The following MAP3K4 variants were observed in gnomAD, a reference collection of about 807,000 sequenced individuals.
The protein encoded by MAP3K4 is MAP three kinase 1.
MAP3K4 carries 67 observed loss-of-function variants against 185.6 expected under a neutral mutation model. The ratio of observed to expected loss-of-function variants is 0.36; its 90% CI spans 0.30 to 0.44. MAP3K4 has a LOEUF of 0.44. MAP3K4 is among the 20% of genes least tolerant of loss of function. MAP3K4 has a pLI of 1.00. For missense variants in MAP3K4, 1,551 were observed against 1,995.1 expected (o/e 0.78, Z 4.24); for synonymous variants, 702 against 710.4 (o/e 0.99, Z 0.19).
chr6:161,068,731 A>T (rs1013051701), intron 3 of MAP3K4, among the ~76,000 whole-genome samples: 2 of 152,236 alleles, frequency 1.3e-5, no homozygotes, highest in African/African-American at 4.8e-5. Flanking sequence ...CTGATAAAGC[A>T]TGTTAAACGT....
intron 19 of MAP3K4, among the ~76,000 whole-genome samples, chr6:161,104,538 C>A (rs1444006773): frequency 6.6e-6 from 1 of 151,782 alleles, no homozygotes; most frequent in Non-Finnish European, 1.5e-5. Context: ...GTGGTGAAAC[C>A]CTGTCTTTAC....
At position 161,002,589 on chromosome 6, in the gene MAP3K4, C is replaced by CTTT. The variant is rs34733206; in HGVS notation, c.152+10524_152+10526dup. Among the ~76,000 whole-genome samples the CTTT allele has an allele frequency of 3.9e-3, 414 of 106,442 alleles. 12 individuals are homozygous for CTTT. Among genetic ancestry groups the CTTT allele is most frequent in the Non-Finnish European group, 4.2e-3 (240 of 57,440 alleles). The allele number at this position is 106,442 out of a possible 152,430, so 69.8% of individuals were successfully genotyped here. A position where few individuals can be genotyped will look rare whatever the true frequency, so the allele number is the denominator to read the frequency against. ...TTCTGCCATCTAAAAATAGTTTTGG[C>CTTT]TTTTTTTTTTTTTTTTTTTTGAGAT... On this transcript the variant is annotated intron_variant, in intron 1 of 26. Coordinates refer to ENST00000392142, the MANE Select transcript of MAP3K4 (RefSeq NM_005922.4).
rs1278220186 is a variant in MAP3K4, at chr6:161,001,280, G to A, written c.152+9197G>A. ...ATAGGTGGAATCATGTATGTCTCAA[G>A]CTATGTGTTATAAATGTTATCAAAT... is the stretch of plus-strand genomic sequence containing the variant. On this transcript the variant is annotated intron_variant, in intron 1 of 26. Coordinates refer to ENST00000392142, the MANE Select transcript of MAP3K4 (RefSeq NM_005922.4). 2.0e-5 allele frequency among the ~76,000 whole-genome samples: 3 copies of A among 151,574 alleles called. No homozygotes were observed. In the East Asian group the frequency reaches 5.8e-4, roughly 29 times the overall value.
chr6:161,077,327 C>T lies in MAP3K4; in HGVS notation c.2098-3554C>T, dbSNP rs1785224748. Among the ~76,000 whole-genome samples, 4 of 152,148 alleles carry T rather than the reference C, an allele frequency of 2.6e-5. No individual in the cohort carries two copies. In the South Asian group the frequency reaches 6.2e-4, roughly 24 times the overall value. ...AAAATAAAAATTAAAGAAAAATCAACAAGAACATATCTAAAGCAAATATGA... is the reference window on the plus strand; with the variant it reads ...AAAATAAAAATTAAAGAAAAATCAATAAGAACATATCTAAAGCAAATATGA... On this transcript the variant is annotated intron_variant, in intron 5 of 26. Transcript: ENST00000392142. This position sits in a 1 kb window ranked among gnomAD's most constrained non-coding sequence, Gnocchi z 4.3.
chr6:161,108,007 G>A lies in MAP3K4; in HGVS notation c.4119+38G>A, dbSNP rs779687509. 4.0e-5 allele frequency: 64 copies of A among 1,585,246 alleles called. No homozygotes were observed. Among genetic ancestry groups the A allele is most frequent in the Non-Finnish European group, 5.5e-5 (64 of 1,156,982 alleles). On this transcript the variant is annotated intron_variant, in intron 21 of 26. Coordinates refer to ENST00000392142, the MANE Select transcript of MAP3K4 (RefSeq NM_005922.4). The surrounding 1 kb of genome is among the most constrained non-coding windows in gnomAD (Gnocchi z 5.7). ...GCTCCGTGGGGCCTTTGGGCCTGGC[G>A]GCTCTGGGTGATAGAAATTCCGTAT... is the stretch of plus-strand genomic sequence containing the variant.
chr6:161,006,560 G>A (rs781742511), intron 1 of MAP3K4, among the ~76,000 whole-genome samples: 1 of 152,180 alleles, frequency 6.6e-6, no homozygotes, highest in African/African-American at 2.4e-5. Flanking sequence ...CCCAGATTTT[G>A]TTTTTCCAAG....
At chr6:161,102,643 C>A in intron 18 of MAP3K4, 56 bp from the exon 19 acceptor site, 1 of 1,195,772 alleles carries the variant, frequency 8.4e-7, no homozygotes, top group Non-Finnish European at 1.2e-6. Flanking sequence ...CAGTTGTTCT[C>A]AAATAAGCAT....
intron 10 of MAP3K4, 55 bp from the exon 11 acceptor site, chr6:161,089,267 A>G: frequency 6.3e-7 from 1 of 1,575,572 alleles, no homozygotes; most frequent in Non-Finnish European, 8.6e-7. Flanking sequence ...TTGAACTAGA[A>G]TAACAACTAG....
rs1176198312 is a variant in MAP3K4 at position 161,051,333 on chromosome 6, G to A, written c.1707+1354G>A. ...TATGGAAAACACCTGAAGAGAACTTGAGTTTGCAAGATTTTAATTTTTTAT... is the reference window on the plus strand; with the variant it reads ...TATGGAAAACACCTGAAGAGAACTTAAGTTTGCAAGATTTTAATTTTTTAT... On this transcript the variant is annotated intron_variant, in intron 3 of 26. Transcript: ENST00000392142. The surrounding 1 kb of genome is among the most constrained non-coding windows in gnomAD (Gnocchi z 4.2). Among the ~76,000 whole-genome samples the A allele has an allele frequency of 6.6e-6, 1 of 152,042 alleles. No homozygotes were observed. The highest frequency in any genetic ancestry group is 1.5e-5 in the Non-Finnish European group (1 of 68,000).
intron 3 of MAP3K4, among the ~76,000 whole-genome samples, chr6:161,058,454 A>G (rs753075801): frequency 6.6e-6 from 1 of 152,228 alleles, no homozygotes; most frequent in African/African-American, 2.4e-5. Context: ...ATCCCAGTAT[A>G]GAATCACAGA....
intron 1 of MAP3K4, among the ~76,000 whole-genome samples, chr6:161,000,944 CAT>C (rs201849756): frequency 0.011 from 1,667 of 146,074 alleles, 27 homozygotes; most frequent in Middle Eastern, 0.038. Flanking sequence ...TATATGCACA[CAT>C]AGTGCATATT....
chr6:161,009,133 C>T (rs950357587), intron 1 of MAP3K4, among the ~76,000 whole-genome samples: 14 of 151,828 alleles, frequency 9.2e-5, no homozygotes, highest in South Asian at 2.1e-4. Flanking sequence ...TACAGGTGCG[C>T]GCCACCACGC....
chr6:161,032,700 A>G (rs1041144031), intron 1 of MAP3K4, among the ~76,000 whole-genome samples: 2 of 152,252 alleles, frequency 1.3e-5, no homozygotes, highest in Non-Finnish European at 2.9e-5. Flanking sequence ...CACAGTGAGT[A>G]TAGAAGAAGT....
rs1277366256 is a variant in MAP3K4, at chr6:161,034,014, A to G, written c.153-245A>G. 6.6e-6 allele frequency among the ~76,000 whole-genome samples: 1 copy of G among 152,200 alleles called. No individual in the cohort carries two copies. The highest frequency in any genetic ancestry group is 1.5e-5 in the Non-Finnish European group (1 of 68,046). ...ATAAACAAGAGAAACAGAAAGCATA[A>G]CAGCTCTACCCATGTGGTACTCCTT... On this transcript the variant is annotated intron_variant, in intron 1 of 26. Transcript: ENST00000392142. The surrounding 1 kb of genome is among the most constrained non-coding windows in gnomAD (Gnocchi z 4.4).
chr6:161,037,321 A>G lies in MAP3K4; in HGVS notation c.343+2872A>G, dbSNP rs1457370571. On this transcript the variant is annotated intron_variant, in intron 2 of 26. Coordinates refer to ENST00000392142, the MANE Select transcript of MAP3K4 (RefSeq NM_005922.4). This position sits in a 1 kb window ranked among gnomAD's most constrained non-coding sequence, Gnocchi z 4.2. ...GCTATCTTCTGCGTATGCAGCCTCC[A>G]TATCTCGTTTCTCTATCTGTAAAAT... Among the ~76,000 whole-genome samples the G allele has an allele frequency of 1.3e-5, 2 of 152,252 alleles. No homozygotes were observed. The highest frequency in any genetic ancestry group is 4.2e-4 in the South Asian group (2 of 4,810).
chr6:161,089,714 T>C (rs1785931357), intron 11 of MAP3K4, among the ~76,000 whole-genome samples: 1 of 152,242 alleles, frequency 6.6e-6, no homozygotes, highest in Non-Finnish European at 1.5e-5. Context: ...TTATTCATAA[T>C]GGCTACATGA....
chr6:161,101,974 C>CGGCTT lies in MAP3K4; in HGVS notation c.3757_3758insGGCTT (p.Pro1253ArgfsTer30). ...TAGGTCCCTGAGTCGTCACTCAAGC[C>CGGCTT]CCACGGAGGAGCGAGATGGTGAGTG... On this transcript the variant is annotated frameshift_variant, in exon 18 of 27. Transcript: ENST00000392142. LOFTEE classifies it high-confidence loss of function. This position sits in a 1 kb window ranked among gnomAD's most constrained non-coding sequence, Gnocchi z 5.1. The CGGCTT allele has an allele frequency of 6.2e-7, 1 of 1,614,016 alleles. No homozygotes were observed. The highest frequency in any genetic ancestry group is 8.5e-7 in the Non-Finnish European group (1 of 1,179,914).
rs1784934313 is a variant in MAP3K4 at position 161,071,347 on chromosome 6, A to G, written c.1950+497A>G. On this transcript the variant is annotated intron_variant, in intron 4 of 26. Coordinates refer to ENST00000392142, the MANE Select transcript of MAP3K4 (RefSeq NM_005922.4). The surrounding 1 kb of genome is among the most constrained non-coding windows in gnomAD (Gnocchi z 4.6). ...GGATGTTTGATATCCCAGGAGCAGCAGCGGAATGGGTGGAAGCAGTTGTAT... is the reference window on the plus strand; with the variant it reads ...GGATGTTTGATATCCCAGGAGCAGCGGCGGAATGGGTGGAAGCAGTTGTAT... 6.6e-6 allele frequency among the ~76,000 whole-genome samples: 1 copy of G among 152,190 alleles called. No homozygotes were observed. The highest frequency in any genetic ancestry group is 6.5e-5 in the Admixed American group (1 of 15,270).
At position 161,056,822 on chromosome 6, in the gene MAP3K4, G is replaced by A. The variant is rs561099436; in HGVS notation, c.1707+6843G>A. Among the ~76,000 whole-genome samples the A allele has an allele frequency of 1.1e-4, 17 of 152,010 alleles. No individual in the cohort carries two copies. Among genetic ancestry groups the A allele is most frequent in the South Asian group, 2.1e-4 (1 of 4,812 alleles). On this transcript the variant is annotated intron_variant, in intron 3 of 26. Coordinates refer to ENST00000392142, the MANE Select transcript of MAP3K4 (RefSeq NM_005922.4). This position sits in a 1 kb window ranked among gnomAD's most constrained non-coding sequence, Gnocchi z 5.4. Reference sequence around the variant, plus strand: ...AATTAGATTCATTTATTTCATCTGCGTTGCATCCTGGGATCCTCCAAAATC... The same window carrying A: ...AATTAGATTCATTTATTTCATCTGCATTGCATCCTGGGATCCTCCAAAATC...
Sources: gnomAD v4.1 joint callset for allele counts (sites outside exome capture counted in the v4.1 genomes callset) on GRCh38, gnomAD v4.1.1 for gene constraint, Gnocchi (gnomAD v3.1) non-coding constraint, MANE v1.5 for transcripts, NCBI Gene and HGNC (gene_info 2026-07-23, HGNC 2026-07-21) for gene names.